RNLS: variants seen among roughly 807,000 people sequenced by gnomAD.
RNLS encodes renalase.
Under a neutral mutation model 39.8 loss-of-function variants are expected in RNLS, and 39 were observed. That is an observed-to-expected ratio of 0.98 (90% CI 0.76 to 1.28). The LOEUF is 1.28. RNLS is among the 50% of genes most tolerant of loss of function. RNLS has a pLI of 0.00. For synonymous variants in RNLS, 147 were observed against 150.7 expected, an observed-to-expected ratio of 0.98 and a Z score of 0.18; for missense variants, 410 against 413.3, an observed-to-expected ratio of 0.99 and a Z score of 0.07.
chr10:88,558,621 T>A (rs187902629), intron 4 of RNLS, among the ~76,000 whole-genome samples: 1 of 152,274 alleles, frequency 6.6e-6, no homozygotes, highest in East Asian at 1.9e-4. Context: ...TTTCTACTGA[T>A]GTCCCCATTT....
intron 6 of RNLS, among the ~76,000 whole-genome samples, chr10:88,278,676 G>A (rs1239902882): frequency 6.6e-6 from 1 of 152,128 alleles, no homozygotes; most frequent in Non-Finnish European, 1.5e-5. Flanking sequence ...TAATGGTAGA[G>A]CAACTCTCCC....
chr10:88,372,718 G>A (rs1850662118), intron 4 of RNLS, among the ~76,000 whole-genome samples: 1 of 152,140 alleles, frequency 6.6e-6, no homozygotes, highest in African/African-American at 2.4e-5. Flanking sequence ...ACTTAGCAGA[G>A]TCTAGAATTA....
intron 4 of RNLS, 60 bp downstream of exon 4, chr10:88,572,843 C>A: frequency 6.4e-7 from 1 of 1,567,230 alleles, no homozygotes; most frequent in Non-Finnish European, 8.7e-7. Flanking sequence ...AAACCAAATT[C>A]ATGCTTTGTC....
the RNLS span, among the ~76,000 whole-genome samples, chr10:88,218,615 G>C: frequency 2.0e-5 from 3 of 152,180 alleles, no homozygotes; most frequent in Admixed American, 1.3e-4. Flanking sequence ...AGCTATGCCT[G>C]ACCCAGCCTC....
chr10:88,436,790 C>T lies in RNLS; in HGVS notation c.527-74065G>A, dbSNP rs193250382. Among the ~76,000 whole-genome samples the T allele has an allele frequency of 7.1e-4, 108 of 151,942 alleles. 1 individual carries two copies. In the South Asian group the frequency reaches 8.5e-3, roughly 12 times the overall value. ...AAGGGAATGCAGGAAAGCTTGGGAC[C>T]CATTTTTATATTTTCATAAAGAAGT... On this transcript the variant is annotated intron_variant, in intron 4 of 6. Coordinates refer to ENST00000331772, the MANE Select transcript of RNLS (RefSeq NM_001031709.3).
the RNLS span, among the ~76,000 whole-genome samples, chr10:88,230,874 G>T: frequency 6.6e-6 from 1 of 152,322 alleles, no homozygotes; most frequent in South Asian, 2.1e-4. Context: ...ACAATTGTTA[G>T]TTAAATATGA....
chr10:88,305,426 CATTATGCTGT>C (rs1844846787), intron 6 of RNLS, among the ~76,000 whole-genome samples: 1 of 152,152 alleles, frequency 6.6e-6, no homozygotes, highest in Admixed American at 6.5e-5. Flanking sequence ...AACCAAAACC[CATTATGCTGT>C]CTTCAAGAGA....
intron 5 of RNLS, among the ~76,000 whole-genome samples, chr10:88,320,550 C>T (rs1036456594): frequency 2.7e-5 from 4 of 147,124 alleles, no homozygotes; most frequent in African/African-American, 7.6e-5. Context: ...TTTCAAGAGA[C>T]CAATGTCACA....
the RNLS span, among the ~76,000 whole-genome samples, chr10:88,172,842 G>GTTTGTTTTT: frequency 1.1e-4 from 5 of 43,774 alleles, no homozygotes; most frequent in Admixed American, 3.6e-4. Flanking sequence ...ATTTTGAGTT[G>GTTTGTTTTT]TTTTTTTTTT....
intron 3 of RNLS, among the ~76,000 whole-genome samples, chr10:88,578,955 G>C (rs1933022800): frequency 6.6e-6 from 1 of 152,096 alleles, no homozygotes. Flanking sequence ...AAGGATATGT[G>C]TATGTATGTA....
intron 6 of RNLS, among the ~76,000 whole-genome samples, chr10:88,298,544 T>C (rs1844258194): frequency 6.6e-6 from 1 of 152,232 alleles, no homozygotes; most frequent in Non-Finnish European, 1.5e-5. Context: ...CTCACTCTTT[T>C]GTATGTGGAT....
At chr10:88,290,213 C>G (rs1843572655) in intron 6 of RNLS, among the ~76,000 whole-genome samples, 1 of 152,184 alleles carries the variant, frequency 6.6e-6, no homozygotes, top group Non-Finnish European at 1.5e-5. Context: ...CGTCCCTGGA[C>G]TAGGAGACAT....
At chr10:88,366,693 G>GAAAAAAAAAAAAAAAAAAAAAA (rs1850136603) in intron 4 of RNLS, among the ~76,000 whole-genome samples, 1 of 95,076 alleles carries the variant, frequency 1.1e-5, no homozygotes. Flanking sequence ...AAAAAAAAAG[G>GAAAAAAAAAAAAAAAAAAAAAA]AAATCCACAG....
Position 88,314,326 on chromosome 10 carries a change from G to C in RNLS, c.876+140C>G, listed in dbSNP as rs539833888. The C allele has an allele frequency of 1.6e-4, 133 of 819,480 alleles. No individual in the cohort carries two copies. The African/African-American group carries it at 2.0e-3, about 12-fold the overall frequency. The allele number at this position is 819,480 out of a possible 1,614,324, so 50.8% of individuals were successfully genotyped here. A position where few individuals can be genotyped will look rare whatever the true frequency, so the allele number is the denominator to read the frequency against. On this transcript the variant is annotated intron_variant, in intron 6 of 6. Coordinates refer to ENST00000331772, the MANE Select transcript of RNLS (RefSeq NM_001031709.3). ...AAACCCATAGAAGTTATATTTATGT[G>C]TTGGGCAAACACATATTTGCTCCAA...
chr10:88,276,226 T>C (rs1397867324), intron 6 of RNLS, among the ~76,000 whole-genome samples: 3 of 152,208 alleles, frequency 2.0e-5, no homozygotes, highest in Admixed American at 1.3e-4. Flanking sequence ...TTGTTGTATA[T>C]GTATTTTTCT....
chr10:88,197,293 T>C, the RNLS span, among the ~76,000 whole-genome samples: 3 of 152,206 alleles, frequency 2.0e-5, no homozygotes, highest in Non-Finnish European at 1.5e-5. Flanking sequence ...AATAAATAAA[T>C]AAAGACTGTT....
chr10:88,231,730 C>T, the RNLS span, among the ~76,000 whole-genome samples: 2 of 152,198 alleles, frequency 1.3e-5, no homozygotes, highest in East Asian at 3.9e-4. Flanking sequence ...CCAAAGAGTA[C>T]CAGTAGCTAC....
chr10:88,376,103 C>CGAA (rs1850971812), intron 4 of RNLS, among the ~76,000 whole-genome samples: 1 of 152,048 alleles, frequency 6.6e-6, no homozygotes, highest in Non-Finnish European at 1.5e-5. Flanking sequence ...CTCCTGTGAT[C>CGAA]GAAGTTAATC....
At chr10:88,310,824 A>AAAAAAAAAAAAAAAAAAAGG (rs1217903555) in intron 6 of RNLS, among the ~76,000 whole-genome samples, 6 of 113,472 alleles carry the variant, frequency 5.3e-5, no homozygotes, top group Non-Finnish European at 1.1e-4. Flanking sequence ...AAAAAAAAAA[A>AAAAAAAAAAAAAAAAAAAGG]AAAGAAAGAA....
Sources: gnomAD v4.1 joint callset for allele counts (sites outside exome capture counted in the v4.1 genomes callset) on GRCh38, gnomAD v4.1.1 for gene constraint, MANE v1.5 for transcripts, NCBI Gene and HGNC (gene_info 2026-07-23, HGNC 2026-07-21) for gene names.